RP1: variants seen among roughly 807,000 people sequenced by gnomAD.
RP1 encodes oxygen-regulated protein 1.
A neutral mutation model predicts 14.8 loss-of-function variants in RP1; 16 were observed. That is an observed-to-expected ratio of 1.08 (90% CI 0.73 to 1.65). The LOEUF (loss-of-function observed/expected upper bound fraction) is 1.65, where lower values mean the gene tolerates loss of function less well. Ranked by LOEUF, RP1 falls within the 40% of genes most tolerant of loss-of-function variation. RP1 has a pLI of 0.00. For missense variants in RP1, 2,631 were observed against 2,535.0 expected (o/e 1.04, Z -0.81); for synonymous variants, 876 against 883.6 (o/e 0.99, Z 0.15).
intron 25 of RP1, among the ~76,000 whole-genome samples, chr8:54,841,446 CACTT>C (rs1811787300): frequency 1.3e-5 from 2 of 152,270 alleles, no homozygotes; most frequent in South Asian, 4.1e-4. Flanking sequence ...AGGCAGTTGG[CACTT>C]ACACTCTGAG....
intron 1 of RP1, among the ~76,000 whole-genome samples, chr8:54,588,406 ACC>A (rs1804978441): frequency 6.6e-6 from 1 of 152,138 alleles, no homozygotes. Flanking sequence ...TCAGAGAGGG[ACC>A]CAAGGTCTGA....
At chr8:54,849,561 G>T (rs1812010346) in intron 25 of RP1, among the ~76,000 whole-genome samples, 1 of 152,162 alleles carries the variant, frequency 6.6e-6, no homozygotes, top group Non-Finnish European at 1.5e-5. Context: ...AGGGATTAAG[G>T]ATACTATTTA....
At chr8:54,562,149 G>A (rs949447066) in intron 1 of RP1, among the ~76,000 whole-genome samples, 25 of 152,128 alleles carry the variant, frequency 1.6e-4, no homozygotes, top group African/African-American at 5.8e-4. Context: ...CAGCAGCTTT[G>A]CTATTACTCA....
intron 1 of RP1, among the ~76,000 whole-genome samples, chr8:54,571,076 C>CT (rs1450049392): frequency 6.6e-6 from 1 of 152,220 alleles, no homozygotes; most frequent in Non-Finnish European, 1.5e-5. Context: ...CCCCTTCTGC[C>CT]TGTCTAGACA....
chr8:54,865,753 T>C (rs886550231), intron 27 of RP1: 1 of 467,714 alleles, frequency 2.1e-6, no homozygotes, highest in East Asian at 3.5e-5. Flanking sequence ...AAAGGAACAT[T>C]TGGAGGACCT....
intron 1 of RP1, among the ~76,000 whole-genome samples, chr8:54,608,084 G>T (rs778634238): frequency 4.6e-5 from 7 of 151,882 alleles, no homozygotes; most frequent in African/African-American, 1.5e-4. Context: ...CCAGTGATAT[G>T]AACCCGGTAC....
chr8:54,650,450 G>C (rs908285856), intron 4 of RP1, among the ~76,000 whole-genome samples: 1 of 151,986 alleles, frequency 6.6e-6, no homozygotes, highest in African/African-American at 2.4e-5. Flanking sequence ...ATACACAAAA[G>C]TTACCATTAA....
chr8:54,618,809 C>T (rs560496634), intron 1 of RP1, among the ~76,000 whole-genome samples: 25 of 152,252 alleles, frequency 1.6e-4, no homozygotes, highest in African/African-American at 4.8e-4. Flanking sequence ...TACAAGCACA[C>T]GCCACCATGC....
At chr8:54,657,982 G>C (rs1438205703) in intron 6 of RP1, among the ~76,000 whole-genome samples, 1 of 152,158 alleles carries the variant, frequency 6.6e-6, no homozygotes, top group East Asian at 1.9e-4. Context: ...CTTGTGTTAA[G>C]TGTATTCACA....
chr8:54,729,211 A>G (rs973727965), intron 17 of RP1, among the ~76,000 whole-genome samples: 1 of 152,194 alleles, frequency 6.6e-6, no homozygotes, highest in Non-Finnish European at 1.5e-5. Context: ...AAGACCCAGG[A>G]AGATGAATGT....
chr8:54,666,728 A>C (rs1255142742), intron 7 of RP1, among the ~76,000 whole-genome samples: 2 of 151,782 alleles, frequency 1.3e-5, no homozygotes, highest in Non-Finnish European at 2.9e-5. Context: ...TCCAGGGAGA[A>C]ACTGGAAGTT....
At chr8:54,716,391 T>C (rs918722318) in intron 15 of RP1, among the ~76,000 whole-genome samples, 7 of 152,126 alleles carry the variant, frequency 4.6e-5, no homozygotes, top group African/African-American at 1.7e-4. Flanking sequence ...CATCCTTGTT[T>C]GATATCTTGG....
chr8:54,831,910 T>A (rs1390768449), intron 24 of RP1, among the ~76,000 whole-genome samples: 1 of 151,842 alleles, frequency 6.6e-6, no homozygotes, highest in Admixed American at 6.6e-5. Context: ...TTAAAGAATA[T>A]TTTTTGCTAG....
exon 12 of RP1, chr8:54,679,880 G>A (rs775883307): frequency 3.6e-5 from 56 of 1,535,902 alleles, no homozygotes; most frequent in Non-Finnish European, 4.5e-5. Flanking sequence ...GGGTTTGTCC[G>A]TTTGCATCCA....
In RP1 at chr8:54,626,247, G is replaced by A. The variant is rs1806043524; in HGVS notation, c.2365G>A (p.Ala789Thr). ...ATCACTAAATAAAATAAGCTTAGGA[G>A]CACCTAAAAAAAGAGAAATCGGTCA... is the stretch of plus-strand genomic sequence containing the variant. ...SRSLNKISLG[A>T]PKKREIGQRD... The change falls in exon 4 of 4, where the codon GCA becomes ACA. Residue 789 changes from alanine (A) to threonine (T), a missense_variant. Ala to Thr is a moderately conservative substitution (Grantham distance 58, BLOSUM62 0). Coordinates refer to ENST00000220676, the MANE Select transcript of RP1 (RefSeq NM_006269.2). 2 of 1,612,944 alleles carry A rather than the reference G, an allele frequency of 1.2e-6. No homozygotes were observed. Among genetic ancestry groups the A allele is most frequent in the South Asian group, 1.1e-5 (1 of 90,964 alleles).
At chr8:54,857,060 C>A (rs184119750) in exon 27 of RP1, 2 of 1,215,978 alleles carry the variant, frequency 1.6e-6, no homozygotes, top group South Asian at 4.2e-5. Context: ...CTGTATCTCT[C>A]GGAAAATTGA....
rs527676639 is a variant in RP1, at chr8:54,561,202, C to T, written c.-13+1882C>T. 4.6e-5 allele frequency among the ~76,000 whole-genome samples: 7 copies of T among 152,312 alleles called. No individual in the cohort carries two copies. The South Asian group carries it at 1.5e-3, about 32-fold the overall frequency. ...AGCTTCTACTATTAGAGCTTCTTAA[C>T]TAAATCCCTAGTAAACCTCTTTACT... On this transcript the variant is annotated intron_variant, in intron 1 of 22. Transcript: ENST00000636932.
chr8:54,818,172 A>G (rs1811178394), intron 24 of RP1, among the ~76,000 whole-genome samples: 1 of 152,246 alleles, frequency 6.6e-6, no homozygotes, highest in African/African-American at 2.4e-5. Flanking sequence ...CTAGGTATGA[A>G]TTTGACTGAC....
chr8:54,571,991 T>C (rs1248055035), intron 1 of RP1, among the ~76,000 whole-genome samples: 1 of 152,154 alleles, frequency 6.6e-6, no homozygotes, highest in Admixed American at 6.5e-5. Flanking sequence ...TCACAAGTAC[T>C]GGGGGGAAGG....
Sources: gnomAD v4.1 joint callset for allele counts (sites outside exome capture counted in the v4.1 genomes callset) on GRCh38, gnomAD v4.1.1 for gene constraint, MANE v1.5 for transcripts, NCBI Gene and HGNC (gene_info 2026-07-23, HGNC 2026-07-21) for gene names.